The following PTPRG variants were observed in gnomAD, a reference collection of about 807,000 sequenced individuals.
PTPRG encodes the protein protein tyrosine phosphatase receptor type G.
In PTPRG, 102 loss-of-function variants were observed where a neutral mutation model predicts 165.3. The observed-to-expected ratio is 0.62, with a 90% CI of 0.53 to 0.73. The LOEUF (loss-of-function observed/expected upper bound fraction) is 0.73. Among genes scored for constraint, PTPRG ranks in the 30% least tolerant of loss-of-function variants. The pLI, the probability that PTPRG is intolerant of heterozygous loss-of-function variation, is 0.00. For synonymous variants in PTPRG, 675 were observed against 669.5 expected, an observed-to-expected ratio of 1.01 and a Z score of -0.13; for missense variants, 1,866 against 1,861.4, an observed-to-expected ratio of 1.00 and a Z score of -0.05.
intron 2 of PTPRG, among the ~76,000 whole-genome samples, chr3:61,869,839 G>A (rs989855990): frequency 6.6e-6 from 1 of 152,000 alleles, no homozygotes; most frequent in Non-Finnish European, 1.5e-5. Flanking sequence ...GGGCTTAAGC[G>A]ATCCACCCGC....
chr3:62,114,118 G>A (rs1702771881), intron 5 of PTPRG, among the ~76,000 whole-genome samples: 1 of 152,132 alleles, frequency 6.6e-6, no homozygotes, highest in African/African-American at 2.4e-5. Flanking sequence ...GGCCAACATG[G>A]TGAAACCCCA....
intron 1 of PTPRG, among the ~76,000 whole-genome samples, chr3:61,728,228 G>A (rs928308188): frequency 2.0e-5 from 3 of 152,154 alleles, no homozygotes; most frequent in Non-Finnish European, 4.4e-5. Flanking sequence ...ACACCCGTGC[G>A]ACCTTGAGCA....
intron 1 of PTPRG, among the ~76,000 whole-genome samples, chr3:61,622,080 C>G (rs1701474470): frequency 6.6e-6 from 1 of 152,198 alleles, no homozygotes; most frequent in Non-Finnish European, 1.5e-5. Flanking sequence ...GGGCATACAT[C>G]TTTCACTTAG....
chr3:62,064,409 A>G (rs1003893581), intron 4 of PTPRG, among the ~76,000 whole-genome samples: 1 of 152,074 alleles, frequency 6.6e-6, no homozygotes, highest in Non-Finnish European at 1.5e-5. Context: ...CTCTAACAAT[A>G]TATCTGAGAA....
chr3:62,201,320 G>A (rs1033382241), intron 10 of PTPRG, among the ~76,000 whole-genome samples, 185 bp from the exon 11 acceptor site: 3 of 152,150 alleles, frequency 2.0e-5, no homozygotes, highest in East Asian at 1.9e-4. Flanking sequence ...CTAGCTCTCC[G>A]CATGTTTTTG....
intron 1 of PTPRG, among the ~76,000 whole-genome samples, chr3:61,691,202 C>G (rs1384232912): frequency 6.6e-6 from 1 of 152,100 alleles, no homozygotes; most frequent in South Asian, 2.1e-4. Flanking sequence ...TGCTTGAACC[C>G]AGGAGTTTGA....
intron 4 of PTPRG, among the ~76,000 whole-genome samples, chr3:62,044,538 C>CA (rs144902203): frequency 0.13 from 17,459 of 139,396 alleles, 1,123 homozygotes; most frequent in Middle Eastern, 0.23. Flanking sequence ...GACTGTATCT[C>CA]AAAAAAAAAA....
chr3:62,169,154 G>A (rs1362543599), intron 8 of PTPRG, among the ~76,000 whole-genome samples: 2 of 152,080 alleles, frequency 1.3e-5, no homozygotes, highest in Non-Finnish European at 2.9e-5. Context: ...GCAACTTTTG[G>A]TCATGAAAAC....
At chr3:61,967,191 A>G (rs746457901) in intron 2 of PTPRG, among the ~76,000 whole-genome samples, 3 of 152,210 alleles carry the variant, frequency 2.0e-5, no homozygotes, top group Non-Finnish European at 4.4e-5. Context: ...GAGATCACAC[A>G]TAGGGCCTAT....
chr3:61,885,259 G>C (rs181148551), intron 2 of PTPRG, among the ~76,000 whole-genome samples: 27 of 152,258 alleles, frequency 1.8e-4, no homozygotes, highest in African/African-American at 5.5e-4. Flanking sequence ...TTTGACTGCA[G>C]ATCTCTATTC....
At chr3:62,161,258 T>C (rs942669691) in intron 7 of PTPRG, among the ~76,000 whole-genome samples, 10 of 152,214 alleles carry the variant, frequency 6.6e-5, no homozygotes, top group African/African-American at 2.2e-4. Context: ...GTTGCAGGTA[T>C]TAAATGATCA....
intron 2 of PTPRG, among the ~76,000 whole-genome samples, chr3:61,781,385 A>G (rs2107081100): frequency 6.6e-6 from 1 of 152,344 alleles, no homozygotes; most frequent in South Asian, 2.1e-4. Flanking sequence ...AACATAATTT[A>G]AGTTTGACAA....
At chr3:61,913,173 G>A (rs564423454) in intron 2 of PTPRG, among the ~76,000 whole-genome samples, 20 of 152,306 alleles carry the variant, frequency 1.3e-4, no homozygotes, top group Non-Finnish European at 2.2e-4. Flanking sequence ...AATAGTGAGC[G>A]TAGTCCCCAG....
chr3:62,149,270 C>CTTT (rs11463679), intron 6 of PTPRG, among the ~76,000 whole-genome samples: 3 of 137,974 alleles, frequency 2.2e-5, no homozygotes, highest in Non-Finnish European at 1.5e-5. Context: ...AGGGAGGCCT[C>CTTT]TTTTTTTTTT....
At chr3:61,928,669 T>G (rs1386761113) in intron 2 of PTPRG, among the ~76,000 whole-genome samples, 1 of 152,204 alleles carries the variant, frequency 6.6e-6, no homozygotes, top group African/African-American at 2.4e-5. Context: ...AAACACTGGT[T>G]TGATTTTTTT....
intron 2 of PTPRG, among the ~76,000 whole-genome samples, chr3:61,915,732 A>G (rs141780738): frequency 6.4e-4 from 97 of 152,218 alleles, no homozygotes; most frequent in Middle Eastern, 6.8e-3. Flanking sequence ...CAGATGCTCT[A>G]TGTAAATGGA....
At chr3:62,199,433 G>A (rs937531919) in intron 10 of PTPRG, among the ~76,000 whole-genome samples, 1 of 151,220 alleles carries the variant, frequency 6.6e-6, no homozygotes, top group African/African-American at 2.5e-5. Context: ...CCACCTAAAG[G>A]GGGTGATGGA....
intron 6 of PTPRG, among the ~76,000 whole-genome samples, chr3:62,154,373 G>A (rs565144813): frequency 6.6e-5 from 10 of 152,300 alleles, no homozygotes; most frequent in African/African-American, 2.4e-4. Flanking sequence ...CTGACTGCAC[G>A]TGCTGATCAG....
chr3:61,762,756 C>T (rs2033895150), intron 2 of PTPRG, among the ~76,000 whole-genome samples: 1 of 152,116 alleles, frequency 6.6e-6, no homozygotes, highest in Non-Finnish European at 1.5e-5. Flanking sequence ...CCCCCTTACT[C>T]TCCTGGCCTA....
Sources: gnomAD v4.1 joint callset for allele counts (sites outside exome capture counted in the v4.1 genomes callset) on GRCh38, gnomAD v4.1.1 for gene constraint, MANE v1.5 for transcripts, NCBI Gene and HGNC (gene_info 2026-07-23, HGNC 2026-07-21) for gene names.